The following MASP1 variants were observed in gnomAD, a reference collection of about 807,000 sequenced individuals.
The protein encoded by MASP1 is mannan-binding lectin serine protease 1.
MASP1 carries 59 observed loss-of-function variants against 77.1 expected under a neutral mutation model. That is an observed-to-expected ratio of 0.77 (90% CI 0.62 to 0.95). The LOEUF is 0.95. Ranked by LOEUF, MASP1 falls within the 40% of genes least tolerant of loss-of-function variation. The probability of loss-of-function intolerance (pLI) is 0.00; values close to 1 mark genes in which losing one functional copy is unlikely to be tolerated. For synonymous variants in MASP1, 362 were observed against 354.5 expected, an observed-to-expected ratio of 1.02 and a Z score of -0.24; for missense variants, 885 against 912.9, an observed-to-expected ratio of 0.97 and a Z score of 0.39.
chr3:187,236,800 T>C (rs945261870), intron 10 of MASP1, among the ~76,000 whole-genome samples: 2 of 152,180 alleles, frequency 1.3e-5, no homozygotes, highest in African/African-American at 4.8e-5. Context: ...TGGGACTGTC[T>C]CTGGACTGGA....
intron 11 of MASP1, chr3:187,226,525 G>A (rs138989954): frequency 1.9e-6 from 3 of 1,597,362 alleles, no homozygotes; most frequent in South Asian, 2.3e-5. Flanking sequence ...TGGAGCCTGG[G>A]GAACAGAACA....
intron 1 of MASP1, among the ~76,000 whole-genome samples, chr3:187,288,692 C>T (rs139149612): frequency 6.6e-6 from 1 of 152,162 alleles, no homozygotes. Context: ...AATAGCGACA[C>T]CCAAATTATG....
At chr3:187,287,961 A>G (rs1046246221) in intron 1 of MASP1, among the ~76,000 whole-genome samples, 18 of 152,258 alleles carry the variant, frequency 1.2e-4, no homozygotes, top group Non-Finnish European at 2.6e-4. Flanking sequence ...GTAAATAGGT[A>G]AGTACAAAAT....
Position 187,234,103 on chromosome 3 carries a change from T to C in MASP1, c.*1581A>G. The C allele has an allele frequency of 7.8e-7, 1 of 1,278,508 alleles. No individual in the cohort carries two copies. The highest frequency in any genetic ancestry group is 1.5e-5 in the African/African-American group (1 of 65,642). The allele number at this position is 1,278,508 out of a possible 1,614,324, so 79.2% of individuals were successfully genotyped here. On this transcript the variant is annotated 3_prime_UTR_variant, in exon 11 of 11. Coordinates refer to ENST00000296280, the MANE Select transcript of MASP1 (RefSeq NM_139125.4). ...AGGCTGTTGGTTATCCACGAGGGTT[T>C]ATTTCCACTTGAGACCCCTGATGGG... is the stretch of plus-strand genomic sequence containing the variant.
intron 4 of MASP1, among the ~76,000 whole-genome samples, chr3:187,258,190 T>G (rs1335135535): frequency 1.3e-5 from 2 of 152,232 alleles, no homozygotes; most frequent in Non-Finnish European, 2.9e-5. Context: ...CTCTACCAGA[T>G]GCTGACTGTC....
Position 187,250,241 on chromosome 3 carries a change from G to A in MASP1, c.1090+10C>T. The stretch of plus-strand genomic sequence containing the variant: ...CAGTATCTTTATAACAACCCATTAG[G>A]CTTTCTTACTTTTACAGGTGGGAAT... On this transcript the variant is annotated intron_variant, in intron 8 of 10. Coordinates refer to ENST00000296280, the MANE Select transcript of MASP1 (RefSeq NM_139125.4). 1.9e-6 allele frequency: 3 copies of A among 1,610,448 alleles called. No homozygotes were observed. The highest frequency in any genetic ancestry group is 1.7e-4 in the Middle Eastern group (1 of 6,036).
At chr3:187,255,302 G>C (rs1560015840) in intron 5 of MASP1, among the ~76,000 whole-genome samples, 1 of 152,176 alleles carries the variant, frequency 6.6e-6, no homozygotes, top group Non-Finnish European at 1.5e-5. Context: ...CTAGAGCTGA[G>C]AGCCACCACT....
chr3:187,269,583 T>C lies in MASP1; in HGVS notation c.238-6863A>G, dbSNP rs867572534. 2.0e-5 allele frequency among the ~76,000 whole-genome samples: 3 copies of C among 152,250 alleles called. 1 individual carries two copies. Among genetic ancestry groups the C allele is most frequent in the African/African-American group, 7.2e-5 (3 of 41,542 alleles). ...CACTCTCACCACTCCCAGAGAGCAA[T>C]GGACTGGGGATCCACTCTCACCCCT... On this transcript the variant is annotated intron_variant, in intron 2 of 10. Coordinates refer to ENST00000296280, the MANE Select transcript of MASP1 (RefSeq NM_139125.4).
At chr3:187,246,936 A>G in intron 8 of MASP1, 1 of 1,075,170 alleles carries the variant, frequency 9.3e-7, no homozygotes, top group Non-Finnish European at 1.1e-6. Flanking sequence ...GGTTCATTTA[A>G]ACTTGACATG....
intron 2 of MASP1, among the ~76,000 whole-genome samples, chr3:187,273,422 C>T (rs986340567): frequency 6.6e-6 from 1 of 152,204 alleles, no homozygotes; most frequent in Non-Finnish European, 1.5e-5. Context: ...TGAGGGATCT[C>T]TAAAGGCTTC....
rs768013314 is a variant in MASP1, at chr3:187,260,783, G to T, written c.505C>A (p.Arg169Ser). 19 of 1,613,916 alleles carry T rather than the reference G, an allele frequency of 1.2e-5. No homozygotes were observed. Residue 169 changes from arginine to serine, a missense_variant, in exon 4 of 11, where the codon CGC becomes AGC. Transcript: ENST00000296280. ...TCTGTGTGGAGGATGTAGCCGAAGC[G>T]GCAGGAGCAGTAGTAGCCGCCAATG... Reference protein sequence around the residue: ...NYIGGYYCSCRFGYILHTDNR... With the variant: ...NYIGGYYCSCSFGYILHTDNR...
chr3:187,241,874 TGTGACCATGTC>T (rs1227853054), intron 9 of MASP1: 3 of 330,784 alleles, frequency 9.1e-6, no homozygotes, highest in Non-Finnish European at 1.8e-5. Flanking sequence ...AAAATGGGAA[TGTGACCATGTC>T]CTTTCTCAGC....
chr3:187,221,580 G>A (rs79258734), intron 14 of MASP1, among the ~76,000 whole-genome samples: 30 of 152,306 alleles, frequency 2.0e-4, no homozygotes, highest in Non-Finnish European at 3.8e-4. Flanking sequence ...AAAAATGGAG[G>A]TTGCAGTATT....
chr3:187,254,615 A>G (rs1002551077), intron 5 of MASP1, among the ~76,000 whole-genome samples: 1 of 152,214 alleles, frequency 6.6e-6, no homozygotes, highest in Non-Finnish European at 1.5e-5. Context: ...ATCACCCTCA[A>G]TGCTATGGGA....
At chr3:187,224,191 TATCTC>T (rs1018616739) in intron 13 of MASP1, among the ~76,000 whole-genome samples, 4 of 152,178 alleles carry the variant, frequency 2.6e-5, no homozygotes, top group Admixed American at 2.0e-4. Flanking sequence ...GTTTAAGTAT[TATCTC>T]AAACACGGAA....
chr3:187,234,891 T>C lies in MASP1; in HGVS notation c.*793A>G, dbSNP rs1436116605. 7.8e-7 allele frequency: 1 copy of C among 1,287,142 alleles called. No homozygotes were observed. The highest frequency in any genetic ancestry group is 1.0e-6 in the Non-Finnish European group (1 of 988,646). 79.7% of individuals were successfully genotyped at this position (1,287,142 alleles called of 1,614,324 possible). On this transcript the variant is annotated 3_prime_UTR_variant, in exon 11 of 11. Transcript: ENST00000296280. ...CTGGAGCAGCAGGTGTGGACGCCCA[T>C]GGTGTCAGCTGGTGTTCCAGGGTGG...
intron 6 of MASP1, 152 bp from the exon 7 acceptor site, chr3:187,251,904 T>C: frequency 1.4e-6 from 1 of 702,840 alleles, no homozygotes; most frequent in Non-Finnish European, 2.6e-6. Flanking sequence ...AAGAGACTAA[T>C]TCTGGAACCG....
chr3:187,255,690 C>T (rs58175768), intron 5 of MASP1, among the ~76,000 whole-genome samples: 1 of 152,204 alleles, frequency 6.6e-6, no homozygotes, highest in East Asian at 1.9e-4. Context: ...CTAGAGTTTT[C>T]TTCTGTGTCC....
intron 4 of MASP1, among the ~76,000 whole-genome samples, chr3:187,258,741 C>A (rs1041220426): frequency 6.6e-6 from 1 of 152,226 alleles, no homozygotes; most frequent in East Asian, 1.9e-4. Context: ...GGGTGGCCAT[C>A]TGTTCAAACT....
Sources: allele counts gnomAD v4.1 joint callset (sites outside exome capture counted in the v4.1 genomes callset), GRCh38; gene constraint gnomAD v4.1.1; transcripts MANE v1.5; gene names NCBI Gene and HGNC (gene_info 2026-07-23, HGNC 2026-07-21).